Variants in FAHD2B observed in about 807,000 individuals in gnomAD.
FAHD2B encodes the protein fumarylacetoacetate hydrolase domain containing 2B.
FAHD2B carries 26 observed loss-of-function variants against 33.7 expected under a neutral mutation model. The observed-to-expected ratio is 0.77, with a 90% confidence interval of 0.57 to 1.07. The LOEUF (loss-of-function observed/expected upper bound fraction) is 1.07, where lower values mean the gene tolerates loss of function less well. FAHD2B is among the 50% of genes least tolerant of loss of function. FAHD2B has a pLI of 0.00. For synonymous variants in FAHD2B, 108 were observed against 150.9 expected, an observed-to-expected ratio of 0.72 and a Z score of 2.08; for missense variants, 272 against 388.1, an observed-to-expected ratio of 0.70 and a Z score of 2.51.
intron 3 of FAHD2B, among the ~76,000 whole-genome samples, chr2:97,090,531 T>A (rs1394051999): frequency 2.0e-5 from 3 of 152,104 alleles, no homozygotes; most frequent in African/African-American, 7.2e-5. Context: ...ATTGATTTCC[T>A]CTCCCCCTTA....
chr2:97,081,997 C>T, downstream of FAHD2B: 1 of 1,507,520 alleles, frequency 6.6e-7, no homozygotes, highest in Non-Finnish European at 9.1e-7. Context: ...CCGGGTCCGG[C>T]CAGCCTGTGA....
At chr2:97,092,914 A>G (rs550540563) in intron 1 of FAHD2B, among the ~76,000 whole-genome samples, 2 of 140,384 alleles carry the variant, frequency 1.4e-5, no homozygotes, top group Admixed American at 1.4e-4. Context: ...CAGAGGTTGT[A>G]GTGAGCCAAG....
chr2:97,087,276 C>A (rs2032050153), intron 4 of FAHD2B, among the ~76,000 whole-genome samples: 1 of 152,050 alleles, frequency 6.6e-6, no homozygotes, highest in Admixed American at 6.6e-5. Context: ...TGGTCTTGAT[C>A]TCCTGAACTC....
chr2:97,083,043 A>G (rs1189648508), downstream of FAHD2B: 4 of 1,238,970 alleles, frequency 3.2e-6, no homozygotes, highest in African/African-American at 6.1e-5. Flanking sequence ...AAGGGGCCAG[A>G]GGTCTCAAGG....
chr2:97,093,327 TA>T (rs1418372895), intron 1 of FAHD2B, among the ~76,000 whole-genome samples: 1 of 152,082 alleles, frequency 6.6e-6, no homozygotes, highest in Non-Finnish European at 1.5e-5. Flanking sequence ...CCTGCTATCT[TA>T]CACAAGCACC....
At position 97,086,411 on chromosome 2, in the gene FAHD2B, C is replaced by A; in HGVS notation, c.463-213G>T. On this transcript the variant is annotated intron_variant, in intron 4 of 8. Transcript: ENST00000414820. ...GGCAGACAGCATCATGGAATACAGG[C>A]ACAGGTCCCCACACCACTGTGACTG... 3 of 593,272 alleles carry A rather than the reference C, an allele frequency of 5.1e-6. 1 individual carries two copies. In the South Asian group the frequency reaches 6.0e-5, roughly 12 times the overall value. The allele number at this position is 593,272 out of a possible 1,614,324, so 36.8% of individuals were successfully genotyped here.
At chr2:97,093,890 G>A (rs149230007) in intron 1 of FAHD2B, among the ~76,000 whole-genome samples, 3,119 of 152,228 alleles carry the variant, frequency 0.02, 115 homozygotes, top group African/African-American at 0.072. Flanking sequence ...CTTAAAGCTA[G>A]GAGGGGAGGG....
At chr2:97,086,296 G>T in intron 4 of FAHD2B, 98 bp from the exon 5 acceptor site, 1 of 1,517,132 alleles carries the variant, frequency 6.6e-7, no homozygotes. Context: ...GTATGGCTTG[G>T]CTGCCATCCC....
chr2:97,083,851 T>C lies in FAHD2B; in HGVS notation c.883-34A>G, dbSNP rs570123231. ...GAGCAGGCCATGACGGTGTCAGCCC[T>C]TCCGTCAGACACATACACAAGCCTG... On this transcript the variant is annotated intron_variant, in intron 8 of 8. Transcript: ENST00000414820. The C allele has an allele frequency of 2.0e-5, 32 of 1,614,062 alleles. No homozygotes were observed. The South Asian group carries it at 2.5e-4, about 13-fold the overall frequency.
chr2:97,088,039 A>T (rs1423511517), intron 4 of FAHD2B, among the ~76,000 whole-genome samples: 1 of 152,032 alleles, frequency 6.6e-6, no homozygotes, highest in East Asian at 1.9e-4. Flanking sequence ...AGGATGTGAA[A>T]CATGCTATGA....
chr2:97,085,664 T>C, intron 6 of FAHD2B, 35 bp downstream of exon 6: 3 of 1,612,334 alleles, frequency 1.9e-6, no homozygotes, highest in Non-Finnish European at 2.5e-6. Context: ...ATCTGTGCAA[T>C]GGTAGGTACC....
intron 4 of FAHD2B, among the ~76,000 whole-genome samples, chr2:97,087,680 C>A (rs1176698116): frequency 6.6e-6 from 1 of 152,050 alleles, no homozygotes; most frequent in Non-Finnish European, 1.5e-5. Context: ...GCCTGGGTGA[C>A]AGAGACTCCA....
chr2:97,086,025 C>T, intron 5 of FAHD2B, 114 bp downstream of exon 5: 2 of 1,286,350 alleles, frequency 1.6e-6, no homozygotes, highest in South Asian at 1.3e-5. Flanking sequence ...TGACTGCTTC[C>T]TAGTGTCAGG....
rs543922699 is a variant in FAHD2B, at chr2:97,083,607, T to C, written c.*148A>G. The C allele has an allele frequency of 2.3e-6, 3 of 1,323,640 alleles. No individual in the cohort carries two copies. Among genetic ancestry groups the C allele is most frequent in the African/African-American group, 1.5e-5 (1 of 68,428 alleles). 82.0% of individuals were successfully genotyped at this position (1,323,640 alleles called of 1,614,324 possible). ...CTGCTGCTTTGACCCGACGCATTTA[T>C]TGAAGAGAGCTCTGTCCTTCTCCCT... On this transcript the variant is annotated 3_prime_UTR_variant, in exon 9 of 9. Coordinates refer to ENST00000414820, the MANE Select transcript of FAHD2B (RefSeq NM_001320848.2).
At chr2:97,082,580 C>A (rs1399519920), downstream of FAHD2B, 1 of 1,577,952 alleles carries the variant, frequency 6.3e-7, no homozygotes, top group African/African-American at 1.3e-5. Context: ...AGAGTACAGA[C>A]AGTCTTCTGT....
At chr2:97,083,339 G>T, downstream of FAHD2B, 1 of 1,531,388 alleles carries the variant, frequency 6.5e-7, no homozygotes, top group South Asian at 1.3e-5. Flanking sequence ...TGGAGAGGAG[G>T]CTGCAAACCC....
chr2:97,084,014 C>G lies in FAHD2B; in HGVS notation c.816G>C (p.Gly272=), dbSNP rs766029852. The change falls in exon 8 of 9, where the codon GGG becomes GGC. Residue 272 remains glycine, a synonymous_variant. Transcript: ENST00000414820. ...GGGGGGTCCCAGTTAGGATGACATCCCCTGGGTAAAAGGTAACAAACCTGG... is the reference window on the plus strand; with the variant it reads ...GGGGGGTCCCAGTTAGGATGACATCGCCTGGGTAAAAGGTAACAAACCTGG... The part of the protein sequence containing the change: ...WVSQFVTFYP[G]DVILTGTPPG... The G allele has an allele frequency of 4.5e-5, 73 of 1,613,590 alleles. No individual in the cohort carries two copies. Among genetic ancestry groups the G allele is most frequent in the Non-Finnish European group, 5.9e-5 (70 of 1,179,960 alleles).
chr2:97,081,574 C>G (rs2031645753), downstream of FAHD2B: 44 of 1,519,168 alleles, frequency 2.9e-5, no homozygotes, highest in Non-Finnish European at 3.9e-5. Context: ...TCCAGCCTCC[C>G]ACCCTGAGTG....
At chr2:97,082,119 T>C (rs1241835084), downstream of FAHD2B, 7 of 1,575,968 alleles carry the variant, frequency 4.4e-6, 1 homozygote, top group African/African-American at 7.3e-5. Context: ...CCAGGGTGTG[T>C]TTCAAAAAGC....
Sources: allele counts gnomAD v4.1 joint callset (sites outside exome capture counted in the v4.1 genomes callset), GRCh38; gene constraint gnomAD v4.1.1; transcripts MANE v1.5; gene names NCBI Gene and HGNC (gene_info 2026-07-23, HGNC 2026-07-21).